Variants in WDR37 observed in about 807,000 individuals in gnomAD.
WDR37 encodes the protein WD repeat-containing protein 37.
Under a neutral mutation model 62.9 loss-of-function variants are expected in WDR37, and 19 were observed. The observed-to-expected ratio is 0.30, with a 90% CI of 0.21 to 0.44. The LOEUF (loss-of-function observed/expected upper bound fraction) is 0.44, where lower values mean the gene tolerates loss of function less well. WDR37 is among the 20% of genes least tolerant of loss of function. The probability of loss-of-function intolerance (pLI) is 1.00; values close to 1 mark genes in which losing one functional copy is unlikely to be tolerated. For synonymous variants in WDR37, 250 were observed against 260.9 expected, an observed-to-expected ratio of 0.96 and a Z score of 0.40; for missense variants, 474 against 657.6, an observed-to-expected ratio of 0.72 and a Z score of 3.05.
chr10:1,066,832 T>C (rs1209987870), intron 1 of WDR37, among the ~76,000 whole-genome samples: 2 of 152,192 alleles, frequency 1.3e-5, no homozygotes, highest in Admixed American at 6.5e-5. Flanking sequence ...CTCACAATCA[T>C]GGCAGAAGGC....
intron 2 of WDR37, 147 bp from the exon 3 acceptor site, chr10:1,077,760 T>C (rs1027864026): frequency 3.1e-6 from 2 of 641,038 alleles, no homozygotes; most frequent in Non-Finnish European, 5.1e-6. Context: ...TTTGGAACTT[T>C]AAACTCTTTA....
chr10:1,122,892 TG>T (rs1835628350), intron 11 of WDR37, among the ~76,000 whole-genome samples: 1 of 152,274 alleles, frequency 6.6e-6, no homozygotes, highest in African/African-American at 2.4e-5. Context: ...TAACATCCTT[TG>T]TTTACATGTT....
chr10:1,075,173 C>A (rs887200023), intron 2 of WDR37, among the ~76,000 whole-genome samples: 1 of 152,102 alleles, frequency 6.6e-6, no homozygotes, highest in Non-Finnish European at 1.5e-5. Context: ...GCTCAAGTTG[C>A]CCTCTAGTGG....
intron 9 of WDR37, among the ~76,000 whole-genome samples, chr10:1,098,244 G>A (rs1316622563): frequency 6.6e-6 from 1 of 151,684 alleles, no homozygotes. Context: ...GTGTGTCCTT[G>A]TCAGAAGAGA....
In WDR37 at chr10:1,103,715, C is replaced by G; in HGVS notation, c.840C>G (p.His280Gln). 11 of 1,614,250 alleles carry G rather than the reference C, an allele frequency of 6.8e-6. No individual in the cohort carries two copies. The highest frequency in any genetic ancestry group is 7.6e-6 in the Non-Finnish European group (9 of 1,180,046). The change falls in exon 10 of 14, where the codon CAC becomes CAG. Residue 280 changes from histidine (H) to glutamine (Q), a missense_variant. By Grantham distance (24) the His-to-Gln change is conservative. Coordinates refer to ENST00000263150, the MANE Select transcript of WDR37 (RefSeq NM_014023.4). This position sits in a 1 kb window ranked among gnomAD's most constrained non-coding sequence, Gnocchi z 6.3. ...TCCCACTGACATCCCTCAAGAGCCACCAGGGCGTGGTCATCGCCTCCGACT... is the reference window on the plus strand; with the variant it reads ...TCCCACTGACATCCCTCAAGAGCCAGCAGGGCGTGGTCATCGCCTCCGACT... ...IRVPLTSLKS[H>Q]QGVVIASDWL...
chr10:1,069,389 A>ATTTTT (rs377212232), intron 1 of WDR37, among the ~76,000 whole-genome samples: 6 of 95,802 alleles, frequency 6.3e-5, no homozygotes, highest in African/African-American at 2.8e-4. Context: ...ATATATATAT[A>ATTTTT]TTTTTTTTTT....
chr10:1,057,637 C>T (rs1380909338), intron 1 of WDR37, among the ~76,000 whole-genome samples: 4 of 152,200 alleles, frequency 2.6e-5, no homozygotes, highest in African/African-American at 9.7e-5. Context: ...ACCGGAATAA[C>T]ACAAGAGCAA....
chr10:1,066,412 A>G (rs147940444), intron 1 of WDR37, among the ~76,000 whole-genome samples: 140 of 152,332 alleles, frequency 9.2e-4, no homozygotes, highest in East Asian at 6.4e-3. Context: ...CACCTCGCCC[A>G]GCCCGATACT....
chr10:1,076,628 A>G (rs1307016787), intron 2 of WDR37, among the ~76,000 whole-genome samples: 130 of 143,972 alleles, frequency 9.0e-4, no homozygotes, highest in Middle Eastern at 8.9e-3. Context: ...GCAGTGAGCC[A>G]AGATCGCGCC....
At chr10:1,080,160 T>C in intron 4 of WDR37, 54 bp downstream of exon 4, 1 of 1,590,484 alleles carries the variant, frequency 6.3e-7, no homozygotes, top group Non-Finnish European at 8.6e-7. Flanking sequence ...GCAGGAAATT[T>C]GGAATTTAGT....
rs1835959282 is a variant in WDR37, at chr10:1,132,059, TC to T, written c.*2717del. 2.0e-5 allele frequency: 3 copies of T among 152,784 alleles called. No homozygotes were observed. The highest frequency in any genetic ancestry group is 7.2e-5 in the African/African-American group (3 of 41,594). The allele number at this position is 152,784 out of a possible 1,614,324, so 9.5% of individuals were successfully genotyped here. A position where few individuals can be genotyped will look rare whatever the true frequency, so the allele number is the denominator to read the frequency against. ...GGAAAATGTATGCATTTATAAGTGT[TC>T]CATGGAATCAGTTTTTATTGTATCG... On this transcript the variant is annotated 3_prime_UTR_variant, in exon 14 of 14. Transcript: ENST00000263150.
chr10:1,088,566 G>A (rs566149346), intron 7 of WDR37, among the ~76,000 whole-genome samples: 1 of 151,970 alleles, frequency 6.6e-6, no homozygotes, highest in Non-Finnish European at 1.5e-5. Context: ...GTAAGTTTGT[G>A]GTCTTATGTG....
Position 1,131,804 on chromosome 10 carries a change from T to G in WDR37, c.*2460T>G, listed in dbSNP as rs1303588508. The G allele has an allele frequency of 6.6e-6, 1 of 152,318 alleles. No individual in the cohort carries two copies. The highest frequency in any genetic ancestry group is 1.5e-5 in the Non-Finnish European group (1 of 68,042). 9.4% of individuals were successfully genotyped at this position (152,318 alleles called of 1,614,324 possible). On this transcript the variant is annotated 3_prime_UTR_variant, in exon 14 of 14. Coordinates refer to ENST00000263150, the MANE Select transcript of WDR37 (RefSeq NM_014023.4). ...GAAGTGGGAACAGTTTTGTCCTGTA[T>G]GCTGATGTGTCCAGAATTTCATTTA...
chr10:1,080,117 T>C lies in WDR37; in HGVS notation c.331+11T>C, dbSNP rs1190115121. ...AACTCAAAACAAAAGGTAAGGTGAATCCCATGAAAGTCTTGTCCTGCAGAT... is the reference window on the plus strand; with the variant it reads ...AACTCAAAACAAAAGGTAAGGTGAACCCCATGAAAGTCTTGTCCTGCAGAT... On this transcript the variant is annotated intron_variant, in intron 4 of 13. Transcript: ENST00000263150. The C allele has an allele frequency of 1.2e-6, 2 of 1,613,518 alleles. No homozygotes were observed. The highest frequency in any genetic ancestry group is 4.5e-5 in the East Asian group (2 of 44,880).
intron 7 of WDR37, among the ~76,000 whole-genome samples, chr10:1,092,975 TTC>T (rs1391815572): frequency 6.6e-6 from 1 of 151,376 alleles, no homozygotes; most frequent in Admixed American, 6.6e-5. Context: ...TCCTGATTCA[TTC>T]TCTGAGGCTG....
intron 11 of WDR37, among the ~76,000 whole-genome samples, chr10:1,114,139 T>G (rs1170217335): frequency 6.6e-6 from 1 of 151,882 alleles, no homozygotes; most frequent in Non-Finnish European, 1.5e-5. Flanking sequence ...ACATTTTTAG[T>G]AGAGACAGGG....
At chr10:1,122,006 G>T (rs1480993644) in intron 11 of WDR37, among the ~76,000 whole-genome samples, 3 of 152,064 alleles carry the variant, frequency 2.0e-5, no homozygotes, top group African/African-American at 7.2e-5. Flanking sequence ...ACGTAATTAG[G>T]ACTCAGCTGG....
chr10:1,106,248 T>C (rs1835014535), intron 11 of WDR37, among the ~76,000 whole-genome samples: 1 of 152,052 alleles, frequency 6.6e-6, no homozygotes, highest in African/African-American at 2.4e-5. Context: ...CGTTCCCCCA[T>C]CATGCCCCAC....
chr10:1,100,555 G>A lies in WDR37; in HGVS notation c.727-3047G>A, dbSNP rs540579896. On this transcript the variant is annotated intron_variant, in intron 9 of 13. Coordinates refer to ENST00000263150, the MANE Select transcript of WDR37 (RefSeq NM_014023.4). ...TCATCTTGAATCATTATAGCTTTTG[G>A]GCAAACGTCTTGTGTTTTAAAATTT... Among the ~76,000 whole-genome samples the A allele has an allele frequency of 6.6e-5, 10 of 152,262 alleles. No individual in the cohort carries two copies. The East Asian group carries it at 1.7e-3, about 26-fold the overall frequency.
Sources: gnomAD v4.1 joint callset for allele counts (sites outside exome capture counted in the v4.1 genomes callset) on GRCh38, gnomAD v4.1.1 for gene constraint, Gnocchi (gnomAD v3.1) non-coding constraint, MANE v1.5 for transcripts, NCBI Gene and HGNC (gene_info 2026-07-23, HGNC 2026-07-21) for gene names.